The following CABP4 variants were observed in gnomAD, a reference collection of about 807,000 sequenced individuals.
The protein encoded by CABP4 is calcium binding protein 4.
A neutral mutation model predicts 30.7 loss-of-function variants in CABP4; 30 were observed. That is an observed-to-expected ratio of 0.98 (90% CI 0.73 to 1.33). The LOEUF is 1.33. Among genes scored for constraint, CABP4 ranks in the 40% most tolerant of loss-of-function variants. The pLI, the probability that CABP4 is intolerant of heterozygous loss-of-function variation, is 0.00. For missense variants in CABP4, 424 were observed against 395.5 expected, an observed-to-expected ratio of 1.07 and a Z score of -0.61; for synonymous variants, 161 against 159.2, an observed-to-expected ratio of 1.01 and a Z score of -0.08.
At chr11:67,456,652 T>C (rs1864818814) in intron 3 of CABP4, among the ~76,000 whole-genome samples, 1 of 152,218 alleles carries the variant, frequency 6.6e-6, no homozygotes, top group Non-Finnish European at 1.5e-5. Context: ...GGAGAGCCCC[T>C]TGGGGCTCAG....
intron 3 of CABP4, among the ~76,000 whole-genome samples, chr11:67,457,227 T>C (rs1006838536): frequency 2.6e-5 from 4 of 152,050 alleles, no homozygotes; most frequent in Non-Finnish European, 5.9e-5. Flanking sequence ...CTGAACCCCA[T>C]GGAGTAGGCT....
intron 3 of CABP4, 30 bp downstream of exon 3, chr11:67,456,472 G>T (rs376372405): frequency 6.9e-6 from 11 of 1,604,164 alleles, no homozygotes; most frequent in Non-Finnish European, 9.3e-6. Context: ...CGCCCGGGCA[G>T]CCTGCGTAGT....
At chr11:67,457,722 G>A in intron 4 of CABP4, 40 bp downstream of exon 4, 1 of 1,497,198 alleles carries the variant, frequency 6.7e-7, no homozygotes, top group Non-Finnish European at 9.1e-7. Flanking sequence ...GGGCAGGGCT[G>A]GGTGGCATCC....
Position 67,457,670 on chromosome 11 carries a change from C to A in CABP4, c.639C>A (p.Ile213=), listed in dbSNP as rs772058303. 3 of 1,589,414 alleles carry A rather than the reference C, an allele frequency of 1.9e-6. No homozygotes were observed. Among genetic ancestry groups the A allele is most frequent in the African/African-American group, 2.7e-5 (2 of 74,572 alleles). Residue 213 remains isoleucine, a synonymous_variant, in exon 4 of 6, where the codon ATC becomes ATA. Transcript: ENST00000325656. ...AHMLGVRELR[I]AFREFDRDRD... is the part of the protein sequence containing the mutation. ...TGCTGGGGGTGCGAGAGCTGCGCAT[C>A]GCCTTCCGAGAGGTGCGGAGTGTGG...
In CABP4 at chr11:67,459,358, G is replaced by A. The variant is rs1412075901; in HGVS notation, c.*699G>A. Reference sequence around the variant, plus strand: ...GGGTTTCAGATCTGGATGGAGGCTTGGCCGCCTGGACTCCTACAACCATGA... The same window carrying A: ...GGGTTTCAGATCTGGATGGAGGCTTAGCCGCCTGGACTCCTACAACCATGA... On this transcript the variant is annotated 3_prime_UTR_variant, in exon 6 of 6. Coordinates refer to ENST00000325656, the MANE Select transcript of CABP4 (RefSeq NM_145200.5). 2 of 153,582 alleles carry A rather than the reference G, an allele frequency of 1.3e-5. No homozygotes were observed. 9.5% of individuals were successfully genotyped at this position (153,582 alleles called of 1,614,324 possible).
Position 67,455,769 on chromosome 11 carries a change from C to A in CABP4, c.346C>A (p.Leu116Ile). 1 of 1,583,790 alleles carries A rather than the reference C, an allele frequency of 6.3e-7. No homozygotes were observed. The highest frequency in any genetic ancestry group is 8.6e-7 in the Non-Finnish European group (1 of 1,166,070). ...TGCTCAGAGGACATACGGGCCCCTG[C>A]TCAATCGAGTCTTCGGGAAGGTTAG... ...DAAQRTYGPL[L>I]NRVFGKDREL... Residue 116 changes from leucine (L) to isoleucine (I), a missense_variant, in exon 1 of 6, where the codon CTC becomes ATC. By Grantham distance (5) the Leu-to-Ile change is conservative. Coordinates refer to ENST00000325656, the MANE Select transcript of CABP4 (RefSeq NM_145200.5).
In CABP4 at chr11:67,458,720, C is replaced by G; in HGVS notation, c.*61C>G. 1 of 1,600,670 alleles carries G rather than the reference C, an allele frequency of 6.2e-7. No homozygotes were observed. The highest frequency in any genetic ancestry group is 2.2e-5 in the East Asian group (1 of 44,820). On this transcript the variant is annotated 3_prime_UTR_variant, in exon 6 of 6. Transcript: ENST00000325656. ...CCAGACACCAGCCAGACCCAGGCTG[C>G]AGGCCTCCCCCAGGAGCCTCCAGGA...
rs766247910 is a variant in CABP4 at position 67,456,333 on chromosome 11, C to T, written c.432C>T (p.Asp144=). The change falls in exon 3 of 6, where the codon GAC becomes GAT. Residue 144 remains aspartate, a synonymous_variant. Coordinates refer to ENST00000325656, the MANE Select transcript of CABP4 (RefSeq NM_145200.5). ...CCGCCTTCGAGGAGTTTGACACTGA[C>T]CGTGACGGCTACATCAGCCACCGGG... ...LQAAFEEFDT[D]RDGYISHREL... 16 of 1,613,734 alleles carry T rather than the reference C, an allele frequency of 9.9e-6. No homozygotes were observed. In the East Asian group the frequency reaches 3.1e-4, roughly 31 times the overall value.
rs1480510928 is a variant in CABP4 at position 67,457,600 on chromosome 11, T to C, written c.569T>C (p.Phe190Ser). 7 of 1,602,156 alleles carry C rather than the reference T, an allele frequency of 4.4e-6. No homozygotes were observed. Among genetic ancestry groups the C allele is most frequent in the East Asian group, 2.2e-5 (1 of 44,468 alleles). The change falls in exon 4 of 6, where the codon TTT becomes TCT. Residue 190 changes from phenylalanine to serine, a missense_variant. Coordinates refer to ENST00000325656, the MANE Select transcript of CABP4 (RefSeq NM_145200.5). ...RMGGRVDFEE[F>S]VELIGPKLRE... Reference sequence around the variant, plus strand: ...GGCGGCCGTGTGGACTTTGAGGAGTTTGTAGAACTGATAGGCCCAAAGCTG... The same window carrying C: ...GGCGGCCGTGTGGACTTTGAGGAGTCTGTAGAACTGATAGGCCCAAAGCTG...
rs1014185430 is a variant in CABP4 at position 67,459,601 on chromosome 11, T to G, written c.*942T>G. 4.0e-5 allele frequency: 6 copies of G among 151,784 alleles called. No homozygotes were observed. Among genetic ancestry groups the G allele is most frequent in the African/African-American group, 9.7e-5 (4 of 41,280 alleles). The allele number at this position is 151,784 out of a possible 1,614,324, so 9.4% of individuals were successfully genotyped here. On this transcript the variant is annotated 3_prime_UTR_variant, in exon 6 of 6. Coordinates refer to ENST00000325656, the MANE Select transcript of CABP4 (RefSeq NM_145200.5). ...GCAGGCGTGTAGTCTCTCTCCAGGG[T>G]GTGAAAAACTGGAAAAAAACCCTGC... is the stretch of plus-strand genomic sequence containing the variant.
chr11:67,453,820 GCTC>G (rs1195149090), upstream of CABP4, among the ~76,000 whole-genome samples: 2 of 152,180 alleles, frequency 1.3e-5, no homozygotes, highest in Non-Finnish European at 2.9e-5. Context: ...CTTTATGCCT[GCTC>G]CTCTGGGGTT....
At chr11:67,452,991 CTCA>C, upstream of CABP4, 1 of 393,232 alleles carries the variant, frequency 2.5e-6, no homozygotes. Flanking sequence ...GGTGCCAGGG[CTCA>C]ACCCAGACTT....
At position 67,460,939 on chromosome 11, in the gene CABP4, T is replaced by G. The variant is rs370262108; in HGVS notation, c.*2280T>G. Among the ~76,000 whole-genome samples, 65 of 147,862 alleles carry G rather than the reference T, an allele frequency of 4.4e-4. No individual in the cohort carries two copies. The highest frequency in any genetic ancestry group is 1.5e-3 in the African/African-American group (60 of 39,828). The stretch of plus-strand genomic sequence containing the variant: ...GGCGGAGCTTGCAGTGAGCCGAGAT[T>G]GCACCACTGCACTCCAGCCTGGGCT... On this transcript the variant is annotated 3_prime_UTR_variant, in exon 6 of 6. Transcript: ENST00000325656.
Position 67,455,749 on chromosome 11 carries a change from A to C in CABP4, c.326A>C (p.Gln109Pro). 1.3e-6 allele frequency: 2 copies of C among 1,597,374 alleles called. No individual in the cohort carries two copies. Among genetic ancestry groups the C allele is most frequent in the Non-Finnish European group, 1.7e-6 (2 of 1,173,198 alleles). The change falls in exon 1 of 6, where the codon CAG becomes CCG. Residue 109 changes from glutamine (Q) to proline (P), a missense_variant. Coordinates refer to ENST00000325656, the MANE Select transcript of CABP4 (RefSeq NM_145200.5). ...HRPDSLHDAA[Q>P]RTYGPLLNRV... ...CCTGACTCCCTGCACGACGCTGCTC[A>C]GAGGACATACGGGCCCCTGCTCAAT...
upstream of CABP4, chr11:67,453,072 G>A (rs1474814061): frequency 1.5e-5 from 3 of 202,038 alleles, no homozygotes; most frequent in African/African-American, 7.1e-5. Context: ...TGAGTGCAGT[G>A]GCACAGTCCC....
chr11:67,458,591 T>C (rs772244763), intron 5 of CABP4, 40 bp from the exon 6 acceptor site: 2 of 1,613,996 alleles, frequency 1.2e-6, no homozygotes. Flanking sequence ...CTGGGATCCC[T>C]GACGTGGACT....
chr11:67,452,725 T>C (rs963454480), upstream of CABP4: 1 of 1,554,060 alleles, frequency 6.4e-7, no homozygotes, highest in Admixed American at 1.9e-5. Context: ...TAGTGTCCAT[T>C]TGGGGTCCCC....
Position 67,456,376 on chromosome 11 carries a change from CG to C in CABP4, c.477del (p.Thr160ProfsTer32). Reference protein sequence around the residue: ...ISHRELGDCMRTLGYMPTEME... With the variant: ...ISHRELGDCMXTLGYMPTEME... The stretch of plus-strand genomic sequence containing the variant: ...CCACCGGGAGCTGGGTGACTGCATG[CG>C]GACCCTGGGCTACATGCCCACCGAG... On this transcript the variant is annotated frameshift_variant, in exon 3 of 6. Transcript: ENST00000325656. LOFTEE classifies it high-confidence loss of function. The C allele has an allele frequency of 6.2e-7, 1 of 1,611,048 alleles. No individual in the cohort carries two copies. Among genetic ancestry groups the C allele is most frequent in the Non-Finnish European group, 8.5e-7 (1 of 1,179,198 alleles).
At chr11:67,452,982 G>A, upstream of CABP4, 1 of 409,646 alleles carries the variant, frequency 2.4e-6, no homozygotes. Context: ...AGGAAGGGAG[G>A]TGCCAGGGCT....
Sources: gnomAD v4.1 joint callset for allele counts (sites outside exome capture counted in the v4.1 genomes callset) on GRCh38, gnomAD v4.1.1 for gene constraint, MANE v1.5 for transcripts, NCBI Gene and HGNC (gene_info 2026-07-23, HGNC 2026-07-21) for gene names.